The following ATRX variants were observed in gnomAD, a reference collection of about 807,000 sequenced individuals.
ATRX encodes ATRX chromatin remodeler, also known as chromatin remodeler ATRX.
ATRX carries 12 observed loss-of-function variants against 172.6 expected under a neutral mutation model. The observed-to-expected ratio is 0.07, with a 90% confidence interval of 0.04 to 0.11. ATRX has a LOEUF of 0.11. Among genes scored for constraint, ATRX ranks in the 10% least tolerant of loss-of-function variants. The probability of loss-of-function intolerance (pLI) is 1.00; values close to 1 mark genes in which losing one functional copy is unlikely to be tolerated. For missense variants in ATRX, 1,368 were observed against 1,767.4 expected (o/e 0.77, Z 4.05); for synonymous variants, 674 against 594.7 (o/e 1.13, Z -1.94).
chrX:77,605,140 T>A (rs1280347129), intron 22 of ATRX, among the ~76,000 whole-genome samples: 1 of 112,438 alleles, frequency 8.9e-6, no homozygotes, highest in Non-Finnish European at 1.9e-5. Flanking sequence ...CATAAATTTA[T>A]ACGAATAAAA....
chrX:77,558,176 T>C lies in ATRX; in HGVS notation c.6504+493A>G, dbSNP rs184113245. ...CTACATTAATTAAATGTATACATTA[T>C]ATTAAATGTATATTAAATATAATAC... is the stretch of plus-strand genomic sequence containing the variant. On this transcript the variant is annotated intron_variant, in intron 29 of 34. Coordinates refer to ENST00000373344, the MANE Select transcript of ATRX (RefSeq NM_000489.6). Among the ~76,000 whole-genome samples the C allele has an allele frequency of 8.2e-4, 91 of 110,864 alleles. 1 individual carries two copies. Among genetic ancestry groups the C allele is most frequent in the African/African-American group, 2.6e-3 (79 of 30,719 alleles).
chrX:77,571,448 A>G (rs782670725), intron 28 of ATRX, among the ~76,000 whole-genome samples: 30 of 111,836 alleles, frequency 2.7e-4, no homozygotes, highest in Non-Finnish European at 4.9e-4. Context: ...AAAAAAGCCA[A>G]TCTCAAGAGG....
At chrX:77,732,681 A>T (rs2074353130) in intron 1 of ATRX, among the ~76,000 whole-genome samples, 1 of 112,178 alleles carries the variant, frequency 8.9e-6, no homozygotes, top group African/African-American at 3.2e-5. Flanking sequence ...AAACCATATT[A>T]TATCAATTGA....
chrX:77,734,692 C>A (rs988350529), intron 1 of ATRX, among the ~76,000 whole-genome samples: 3 of 110,506 alleles, frequency 2.7e-5, no homozygotes, highest in African/African-American at 9.9e-5. Context: ...GAGGCTGAGG[C>A]AGGAGAATCG....
chrX:77,776,575 A>C (rs782777488), intron 1 of ATRX, among the ~76,000 whole-genome samples: 29 of 112,475 alleles, frequency 2.6e-4, no homozygotes, highest in Admixed American at 1.5e-3. Flanking sequence ...ACTTTTTTTA[A>C]AACAAAGAAA....
intron 1 of ATRX, among the ~76,000 whole-genome samples, chrX:77,722,804 C>T (rs2073841027): frequency 9.0e-6 from 1 of 111,506 alleles, no homozygotes; most frequent in African/African-American, 3.3e-5. Context: ...GGATCTAGAA[C>T]TAGAAATACC....
chrX:77,774,115 G>A (rs900568050), intron 1 of ATRX, among the ~76,000 whole-genome samples: 8 of 109,974 alleles, frequency 7.3e-5, no homozygotes, highest in Admixed American at 3.9e-4. Flanking sequence ...CCAGTTACTC[G>A]GGTGGCTGAG....
intron 1 of ATRX, among the ~76,000 whole-genome samples, chrX:77,736,651 A>G (rs1265373953): frequency 8.9e-6 from 1 of 112,613 alleles, no homozygotes; most frequent in Non-Finnish European, 1.9e-5. Flanking sequence ...TACGAAGAAC[A>G]GTTTGGAGGT....
intron 15 of ATRX, among the ~76,000 whole-genome samples, chrX:77,636,999 G>GGAAGGAGGAA (rs2068408914): frequency 2.0e-5 from 2 of 99,728 alleles, no homozygotes; most frequent in Non-Finnish European, 4.0e-5. Flanking sequence ...GGAAGGAGGA[G>GGAAGGAGGAA]GAAGGAGGAA....
At chrX:77,781,245 A>T (rs187199592) in intron 1 of ATRX, among the ~76,000 whole-genome samples, 1 of 110,421 alleles carries the variant, frequency 9.1e-6, no homozygotes, top group Non-Finnish European at 1.9e-5. Context: ...GATCGAGACC[A>T]TCCTGGCCAA....
chrX:77,569,299 T>C (rs141861486), intron 28 of ATRX, among the ~76,000 whole-genome samples: 43 of 111,431 alleles, frequency 3.9e-4, no homozygotes, highest in Admixed American at 1.1e-3. Context: ...GGGAGGGACA[T>C]AGCAATACTA....
At chrX:77,624,669 T>C (rs1287981344) in intron 19 of ATRX, among the ~76,000 whole-genome samples, 1 of 111,387 alleles carries the variant, frequency 9.0e-6, no homozygotes, top group Non-Finnish European at 1.9e-5. Context: ...ACAAGAAAGA[T>C]AGGAATATAC....
chrX:77,747,871 C>A (rs1427423412), intron 1 of ATRX, among the ~76,000 whole-genome samples: 2 of 111,959 alleles, frequency 1.8e-5, no homozygotes, highest in African/African-American at 6.5e-5. Context: ...TTTTAAGAAA[C>A]AAAGTTTGCT....
chrX:77,683,926 G>A lies in ATRX; in HGVS notation c.1330C>T (p.Arg444Ter), dbSNP rs2148625435. 1.7e-6 allele frequency: 2 copies of A among 1,209,324 alleles called. No individual in the cohort carries two copies. Among genetic ancestry groups the A allele is most frequent in the Non-Finnish European group, 2.2e-6 (2 of 894,010 alleles). ...VIDAKFETKARKGEKPCALEK... is the reference protein window; with the variant it reads ...VIDAKFETKA ...AAAGCACAAGGTTTTTCTCCTTTTC[G>A]TGCTTTTGTTTCAAACTTAGCATCT... The change falls in exon 9 of 35, where the codon CGA becomes TGA. Residue 444 changes from arginine (R) to a stop codon, truncating the protein, a stop_gained. Transcript: ENST00000373344. LOFTEE classifies it high-confidence loss of function.
At chrX:77,632,827 A>G (rs1328760514) in intron 19 of ATRX, among the ~76,000 whole-genome samples, 1 of 111,813 alleles carries the variant, frequency 8.9e-6, no homozygotes, top group Non-Finnish European at 1.9e-5. Flanking sequence ...GCAAGCAGCA[A>G]TTCTTCTAAT....
intron 30 of ATRX, among the ~76,000 whole-genome samples, chrX:77,533,639 G>A (rs1230090210): frequency 9.0e-6 from 1 of 111,026 alleles, no homozygotes; most frequent in Non-Finnish European, 1.9e-5. Flanking sequence ...TGGGGGGTTG[G>A]GGGAGGGAGT....
chrX:77,658,449 A>G (rs782292925), intron 12 of ATRX, among the ~76,000 whole-genome samples: 2 of 112,458 alleles, frequency 1.8e-5, no homozygotes, highest in African/African-American at 6.4e-5. Flanking sequence ...AGGAGACATT[A>G]TAACTCGATG....
chrX:77,657,248 A>G (rs1288427503), intron 12 of ATRX, among the ~76,000 whole-genome samples: 1 of 111,754 alleles, frequency 8.9e-6, no homozygotes, highest in Non-Finnish European at 1.9e-5. Context: ...TACTGACAAC[A>G]AGACTGTGAA....
At chrX:77,651,002 T>A (rs1356538466) in intron 15 of ATRX, among the ~76,000 whole-genome samples, 32 of 110,664 alleles carry the variant, frequency 2.9e-4, no homozygotes, top group Non-Finnish European at 5.1e-4. Flanking sequence ...TTCCCAACTA[T>A]TTATAAACAG....
Sources: gnomAD v4.1 joint callset for allele counts (sites outside exome capture counted in the v4.1 genomes callset) on GRCh38, gnomAD v4.1.1 for gene constraint, MANE v1.5 for transcripts, NCBI Gene and HGNC (gene_info 2026-07-23, HGNC 2026-07-21) for gene names.